Variants in CERS4 observed in about 807,000 individuals in gnomAD.
CERS4 encodes the protein ceramide synthase 4.
Under a neutral mutation model 51.8 loss-of-function variants are expected in CERS4, and 65 were observed. The observed-to-expected ratio is 1.26, with a 90% CI of 1.03 to 1.54. The LOEUF is 1.54. Among genes scored for constraint, CERS4 ranks in the 40% most tolerant of loss-of-function variants. CERS4 has a pLI of 0.00. For missense variants in CERS4, 563 were observed against 500.4 expected (o/e 1.13, Z -1.19); for synonymous variants, 228 against 208.4 (o/e 1.09, Z -0.81).
intron 2 of CERS4, among the ~76,000 whole-genome samples, chr19:8,227,938 C>T (rs549600864): frequency 1.6e-4 from 24 of 152,078 alleles, no homozygotes; most frequent in African/African-American, 5.5e-4. Context: ...CTCGGCTCAC[C>T]GCAACCTCTG....
intron 2 of CERS4, among the ~76,000 whole-genome samples, chr19:8,238,050 T>A (rs3101742): frequency 7.9e-5 from 12 of 151,530 alleles, no homozygotes; most frequent in African/African-American, 2.9e-4. Flanking sequence ...CCCCCCACAA[T>A]CCCTGCTCCA....
intron 2 of CERS4, 198 bp from the exon 3 acceptor site, chr19:8,250,877 AG>A: frequency 7.1e-7 from 1 of 1,409,298 alleles, no homozygotes; most frequent in Non-Finnish European, 9.2e-7. Flanking sequence ...ATGAGAATGA[AG>A]TGGTGGCTCT....
chr19:8,230,126 G>A (rs1967948846), intron 2 of CERS4, among the ~76,000 whole-genome samples: 1 of 152,090 alleles, frequency 6.6e-6, no homozygotes, highest in Non-Finnish European at 1.5e-5. Context: ...TATTTCACCT[G>A]CCCCATTCTC....
At chr19:8,227,151 A>G (rs1568505508) in intron 2 of CERS4, among the ~76,000 whole-genome samples, 1 of 152,092 alleles carries the variant, frequency 6.6e-6, no homozygotes, top group Non-Finnish European at 1.5e-5. Flanking sequence ...TGGTTTCTTA[A>G]GTAGTGAGGT....
intron 3 of CERS4, among the ~76,000 whole-genome samples, chr19:8,252,184 C>T (rs968356390): frequency 3.9e-5 from 6 of 151,906 alleles, no homozygotes; most frequent in East Asian, 1.9e-4. Flanking sequence ...GCCCGACAAA[C>T]GTGGTGAAAC....
chr19:8,259,843 G>A (rs1270768525), intron 10 of CERS4, among the ~76,000 whole-genome samples: 1 of 152,168 alleles, frequency 6.6e-6, no homozygotes, highest in African/African-American at 2.4e-5. Flanking sequence ...TAGGGACCAG[G>A]TATGGACAGA....
At chr19:8,257,631 T>C (rs1293090687) in intron 9 of CERS4, among the ~76,000 whole-genome samples, 15 of 152,128 alleles carry the variant, frequency 9.9e-5, no homozygotes, top group Admixed American at 8.5e-4. Context: ...AGTTTCACCA[T>C]GTTGGCCAGG....
At chr19:8,245,117 A>ACAAAACAAAC (rs1260338046) in intron 2 of CERS4, among the ~76,000 whole-genome samples, 6 of 143,092 alleles carry the variant, frequency 4.2e-5, no homozygotes, top group South Asian at 4.3e-4. Context: ...ATCTCAAAAA[A>ACAAAACAAAC]AAAAAAAAAA....
At chr19:8,245,753 T>C (rs750504712) in intron 2 of CERS4, among the ~76,000 whole-genome samples, 3 of 151,730 alleles carry the variant, frequency 2.0e-5, no homozygotes, top group Non-Finnish European at 4.4e-5. Flanking sequence ...TTGGCCAGGC[T>C]GGTCTCAAAC....
At chr19:8,213,015 C>G (rs1967142628) in intron 2 of CERS4, among the ~76,000 whole-genome samples, 1 of 151,852 alleles carries the variant, frequency 6.6e-6, no homozygotes, top group Non-Finnish European at 1.5e-5. Flanking sequence ...TCAGTACAAG[C>G]TCTTTTCTTT....
chr19:8,221,885 T>TTG (rs1967571036), intron 2 of CERS4, among the ~76,000 whole-genome samples: 1 of 94,562 alleles, frequency 1.1e-5, no homozygotes, highest in Non-Finnish European at 2.2e-5. Flanking sequence ...TTTTTTTTTT[T>TTG]TTTTTTTTTT....
In CERS4 at chr19:8,245,129, A is replaced by AAAAAAACAAAAAAAAACAAAAAAC. The variant is rs1234273978; in HGVS notation, c.-1-5939_-1-5938insAAAAAAAACAAAAAACAAAAAACA. ...TCCATCTCAAAAAAAAAAAAAAAAA[A>AAAAAAACAAAAAAAAACAAAAAAC]AAAAAACACTCTTGGCTTCAAGCAA... is the stretch of plus-strand genomic sequence containing the variant. On this transcript the variant is annotated intron_variant, in intron 2 of 11. Transcript: ENST00000251363. Among the ~76,000 whole-genome samples, 30 of 148,766 alleles carry AAAAAAACAAAAAAAAACAAAAAAC rather than the reference A, an allele frequency of 2.0e-4. No individual in the cohort carries two copies. The South Asian group carries it at 2.3e-3, about 12-fold the overall frequency.
At chr19:8,222,749 C>G (rs551028236) in intron 2 of CERS4, among the ~76,000 whole-genome samples, 1 of 151,694 alleles carries the variant, frequency 6.6e-6, no homozygotes, top group African/African-American at 2.4e-5. Context: ...CCACCCGCCT[C>G]GGCCTCCCAA....
chr19:8,214,159 T>C (rs80028143), intron 2 of CERS4, among the ~76,000 whole-genome samples: 7,990 of 131,042 alleles, frequency 0.061, 273 homozygotes, highest in East Asian at 0.16. Flanking sequence ...CAGGGTCCCA[T>C]GACACTGTGT....
intron 9 of CERS4, 114 bp downstream of exon 9, chr19:8,257,191 C>T (rs968217323): frequency 2.0e-5 from 22 of 1,117,016 alleles, no homozygotes; most frequent in Admixed American, 4.7e-5. Flanking sequence ...CCCCACCCCT[C>T]CTGTCTTTCT....
At chr19:8,217,955 G>T (rs186386084) in intron 2 of CERS4, among the ~76,000 whole-genome samples, 1 of 151,798 alleles carries the variant, frequency 6.6e-6, no homozygotes, top group East Asian at 2.0e-4. Flanking sequence ...TCTACATTTG[G>T]CCTTCTTTTT....
chr19:8,226,112 G>A (rs968163657), intron 2 of CERS4, among the ~76,000 whole-genome samples: 1 of 151,946 alleles, frequency 6.6e-6, no homozygotes, highest in Non-Finnish European at 1.5e-5. Context: ...CGGGAGAATC[G>A]CTTGAATCCG....
chr19:8,246,389 T>A (rs1968790253), intron 2 of CERS4, among the ~76,000 whole-genome samples: 1 of 151,786 alleles, frequency 6.6e-6, no homozygotes, highest in Non-Finnish European at 1.5e-5. Flanking sequence ...AGACCCTCTC[T>A]CTACACAAAA....
chr19:8,245,493 C>A (rs904101947), intron 2 of CERS4, among the ~76,000 whole-genome samples: 2 of 152,040 alleles, frequency 1.3e-5, no homozygotes, highest in African/African-American at 4.8e-5. Flanking sequence ...AAGCAATCCT[C>A]CTGCCTCAGC....
Sources: gnomAD v4.1 joint callset for allele counts (sites outside exome capture counted in the v4.1 genomes callset) on GRCh38, gnomAD v4.1.1 for gene constraint, MANE v1.5 for transcripts, NCBI Gene and HGNC (gene_info 2026-07-23, HGNC 2026-07-21) for gene names.